Variants in RNF217 observed in about 807,000 individuals in gnomAD.
RNF217 encodes ring finger protein 217, also known as E3 ubiquitin-protein ligase RNF217.
A neutral mutation model predicts 57.8 loss-of-function variants in RNF217; 31 were observed. The ratio of observed to expected loss-of-function variants is 0.54; its 90% confidence interval spans 0.40 to 0.72. The LOEUF is 0.72. Among genes scored for constraint, RNF217 ranks in the 30% least tolerant of loss-of-function variants. The pLI is 0.00. For missense variants in RNF217, 696 were observed against 708.3 expected, an observed-to-expected ratio of 0.98 and a Z score of 0.20; for synonymous variants, 313 against 294.0, an observed-to-expected ratio of 1.06 and a Z score of -0.66.
intron 3 of RNF217, among the ~76,000 whole-genome samples, chr6:125,059,398 C>T (rs964421562): frequency 2.7e-4 from 41 of 152,094 alleles, no homozygotes; most frequent in Admixed American, 2.0e-4. Context: ...ATGAGGCCTT[C>T]CCCCCTTTCT....
At chr6:125,024,537 G>A (rs989182153) in intron 1 of RNF217, among the ~76,000 whole-genome samples, 3 of 152,012 alleles carry the variant, frequency 2.0e-5, no homozygotes, top group Admixed American at 6.6e-5. Context: ...GAGCAACACA[G>A]TAAAATCCTG....
chr6:125,070,615 CAT>C (rs1321899411), intron 3 of RNF217, among the ~76,000 whole-genome samples: 2 of 152,046 alleles, frequency 1.3e-5, no homozygotes, highest in African/African-American at 4.8e-5. Flanking sequence ...AGCATTTTTT[CAT>C]ATGTTTGTTG....
rs901106712 is a variant in RNF217, at chr6:124,975,941, T to A, written c.882+12515T>A. ...AGATTTTTAAAAAATATTTTTCCTATGTTATCATTTTTCTTCCTCAAGATA... is the reference window on the plus strand; with the variant it reads ...AGATTTTTAAAAAATATTTTTCCTAAGTTATCATTTTTCTTCCTCAAGATA... On this transcript the variant is annotated intron_variant, in intron 1 of 5. Coordinates refer to ENST00000521654, the MANE Select transcript of RNF217 (RefSeq NM_001286398.3). 2.0e-5 allele frequency among the ~76,000 whole-genome samples: 3 copies of A among 151,738 alleles called. No homozygotes were observed. The East Asian group carries it at 5.8e-4, about 29-fold the overall frequency.
intron 3 of RNF217, among the ~76,000 whole-genome samples, chr6:125,067,742 T>A (rs1787987429): frequency 6.6e-6 from 1 of 152,102 alleles, no homozygotes; most frequent in South Asian, 2.1e-4. Flanking sequence ...ACTATGTGAG[T>A]CAGAAGCTCA....
intron 4 of RNF217, among the ~76,000 whole-genome samples, chr6:125,078,318 C>G (rs900487529): frequency 6.6e-6 from 1 of 152,132 alleles, no homozygotes; most frequent in Non-Finnish European, 1.5e-5. Flanking sequence ...AACATGAAAA[C>G]ACAAAATCAC....
At chr6:124,976,487 C>G (rs796123847) in intron 1 of RNF217, among the ~76,000 whole-genome samples, 9 of 151,402 alleles carry the variant, frequency 5.9e-5, no homozygotes, top group African/African-American at 2.2e-4. Context: ...CCAGGCTGCT[C>G]TCAAACTCCT....
At chr6:124,979,513 G>A (rs1466892981) in intron 1 of RNF217, among the ~76,000 whole-genome samples, 1 of 152,170 alleles carries the variant, frequency 6.6e-6, no homozygotes, top group Non-Finnish European at 1.5e-5. Context: ...GTGGCGCAGA[G>A]CACCAAAGGC....
chr6:124,985,711 TA>T (rs541322522), intron 1 of RNF217, among the ~76,000 whole-genome samples: 2 of 151,794 alleles, frequency 1.3e-5, no homozygotes, highest in East Asian at 1.9e-4. Flanking sequence ...TATAGTATAG[TA>T]AAAAAAACAT....
intron 1 of RNF217, among the ~76,000 whole-genome samples, chr6:125,015,923 T>A (rs191269991): frequency 3.9e-5 from 6 of 152,184 alleles, no homozygotes; most frequent in African/African-American, 1.4e-4. Flanking sequence ...GCAAAAAAAA[T>A]TAAATTTTTG....
chr6:125,020,305 G>A (rs1785788601), intron 1 of RNF217, among the ~76,000 whole-genome samples: 1 of 152,230 alleles, frequency 6.6e-6, no homozygotes, highest in African/African-American at 2.4e-5. Flanking sequence ...AATGTGGTAT[G>A]TGCCTATGAG....
At chr6:124,997,876 A>T (rs1784811949) in intron 1 of RNF217, among the ~76,000 whole-genome samples, 1 of 152,042 alleles carries the variant, frequency 6.6e-6, no homozygotes, top group Admixed American at 6.6e-5. Context: ...ATCCTGTAGT[A>T]TCCCTTTGAC....
intron 3 of RNF217, among the ~76,000 whole-genome samples, chr6:125,070,842 A>T (rs989667821): frequency 6.6e-6 from 1 of 152,212 alleles, no homozygotes; most frequent in African/African-American, 2.4e-5. Flanking sequence ...CTAGAGTAAA[A>T]TATTTGTTGG....
chr6:125,074,669 G>A (rs988912051), intron 3 of RNF217, among the ~76,000 whole-genome samples: 5 of 151,718 alleles, frequency 3.3e-5, no homozygotes, highest in African/African-American at 4.8e-5. Flanking sequence ...CTTTTTCCTG[G>A]ATGATTTTAT....
At chr6:125,076,567 C>G in intron 3 of RNF217, 90 bp from the exon 4 acceptor site, 1 of 769,428 alleles carries the variant, frequency 1.3e-6, no homozygotes, top group Non-Finnish European at 2.3e-6. Context: ...TTTGGTGAAA[C>G]TGGTAAGTGT....
intron 3 of RNF217, among the ~76,000 whole-genome samples, chr6:125,060,727 G>A (rs934872231): frequency 6.6e-6 from 1 of 152,096 alleles, no homozygotes; most frequent in African/African-American, 2.4e-5. Context: ...TTACAGGTAT[G>A]AGCCACCACG....
rs532638792 is a variant in RNF217 at position 125,091,823 on chromosome 6, A to G, written c.*8886A>G. 1 of 152,256 alleles carries G rather than the reference A, an allele frequency of 6.6e-6. No individual in the cohort carries two copies. Among genetic ancestry groups the G allele is most frequent in the South Asian group, 2.1e-4 (1 of 4,828 alleles). 9.4% of individuals were successfully genotyped at this position (152,256 alleles called of 1,614,324 possible). A position where few individuals can be genotyped will look rare whatever the true frequency, so the allele number is the denominator to read the frequency against. ...GAGAACCATGGTGTCTGCTATTTAC[A>G]TGTTATTTGTTCCCAGTGAGCTTTA... On this transcript the variant is annotated 3_prime_UTR_variant, in exon 6 of 6. Transcript: ENST00000521654.
rs536543503 is a variant in RNF217 at position 125,005,071 on chromosome 6, A to G, written c.883-40140A>G. Among the ~76,000 whole-genome samples the G allele has an allele frequency of 3.3e-5, 5 of 152,314 alleles. No individual in the cohort carries two copies. The East Asian group carries it at 9.7e-4, about 29-fold the overall frequency. On this transcript the variant is annotated intron_variant, in intron 1 of 5. Coordinates refer to ENST00000521654, the MANE Select transcript of RNF217 (RefSeq NM_001286398.3). Reference sequence around the variant, plus strand: ...GAAAGGGAAAGGGGGCAGAACTCCCAGGATAACAGCATTAATCTGTTCATG... The same window carrying G: ...GAAAGGGAAAGGGGGCAGAACTCCCGGGATAACAGCATTAATCTGTTCATG...
chr6:125,078,944 C>A (rs1788473199), intron 4 of RNF217, among the ~76,000 whole-genome samples: 1 of 152,162 alleles, frequency 6.6e-6, no homozygotes, highest in Admixed American at 6.5e-5. Flanking sequence ...TACTCCCTGC[C>A]ATTTCAGAGA....
intron 1 of RNF217, among the ~76,000 whole-genome samples, chr6:124,997,028 T>C (rs1784781748): frequency 7.0e-6 from 1 of 143,198 alleles, no homozygotes; most frequent in Admixed American, 6.7e-5. Flanking sequence ...CAAGTTTAGG[T>C]TCTACAAACA....
Sources: gnomAD v4.1 joint callset for allele counts (sites outside exome capture counted in the v4.1 genomes callset) on GRCh38, gnomAD v4.1.1 for gene constraint, MANE v1.5 for transcripts, NCBI Gene and HGNC (gene_info 2026-07-23, HGNC 2026-07-21) for gene names.